TRAF7: variants seen among roughly 807,000 people sequenced by gnomAD.
TRAF7 encodes the protein TNF receptor associated factor 7, also known as E3 ubiquitin-protein ligase TRAF7.
A neutral mutation model predicts 89.3 loss-of-function variants in TRAF7; 45 were observed. The observed-to-expected ratio is 0.50, with a 90% CI of 0.40 to 0.65. TRAF7 has a LOEUF of 0.65. TRAF7 is among the 30% of genes least tolerant of loss of function. TRAF7 has a pLI of 0.00. For missense variants in TRAF7, 677 were observed against 918.1 expected, an observed-to-expected ratio of 0.74 and a Z score of 3.39; for synonymous variants, 406 against 369.2, an observed-to-expected ratio of 1.10 and a Z score of -1.14.
rs747956161 is a variant in TRAF7, at chr16:2,173,940, C to A, written c.1155C>A (p.Ile385=). 1 of 1,603,386 alleles carries A rather than the reference C, an allele frequency of 6.2e-7. No individual in the cohort carries two copies. Among genetic ancestry groups the A allele is most frequent in the Non-Finnish European group, 8.5e-7 (1 of 1,177,454 alleles). The change falls in exon 13 of 21, where the codon ATC becomes ATA. Residue 385 remains isoleucine (I), a synonymous_variant. Coordinates refer to ENST00000326181, the MANE Select transcript of TRAF7 (RefSeq NM_032271.3). ...GILGSYDPQQ[I]FKCKGTFVGH... ...CTGCAGCCTACGACCCTCAGCAGAT[C>A]TTCAAGTGCAAAGGGACCTTTGTGG...
chr16:2,164,173 C>CGCGCGCACGCGT (rs1567247403), intron 2 of TRAF7, among the ~76,000 whole-genome samples, 172 bp downstream of exon 2: 2 of 121,500 alleles, frequency 1.6e-5, no homozygotes, highest in Middle Eastern at 4.1e-3. Context: ...CGCGCGCGCG[C>CGCGCGCACGCGT]GCGCGCGCAC....
chr16:2,173,747 GC>G, intron 11 of TRAF7, 40 bp from the exon 12 acceptor site: 2 of 1,606,202 alleles, frequency 1.2e-6, no homozygotes, highest in Non-Finnish European at 1.7e-6. Flanking sequence ...CCCCACAGCA[GC>G]CCTGCCCACC....
Position 2,168,228 on chromosome 16 carries a change from G to C in TRAF7, c.231+60G>C. On this transcript the variant is annotated intron_variant, in intron 4 of 20. Transcript: ENST00000326181. This position sits in a 1 kb window ranked among gnomAD's most constrained non-coding sequence, Gnocchi z 4.1. ...CAGCCTCCCCCCATCCTCCCTCCTG[G>C]GGGAACCAGGTCCCAGGAGGAGTTG... 1 of 1,448,128 alleles carries C rather than the reference G, an allele frequency of 6.9e-7. No homozygotes were observed. Among genetic ancestry groups the C allele is most frequent in the Non-Finnish European group, 9.4e-7 (1 of 1,059,470 alleles). The allele number at this position is 1,448,128 out of a possible 1,614,324, so 89.7% of individuals were successfully genotyped here. A position where few individuals can be genotyped will look rare whatever the true frequency, so the allele number is the denominator to read the frequency against.
Position 2,162,836 on chromosome 16 carries a change from C to T in TRAF7, c.-38-1047C>T, listed in dbSNP as rs745351015. 1.1e-4 allele frequency among the ~76,000 whole-genome samples: 16 copies of T among 152,068 alleles called. No homozygotes were observed. Among genetic ancestry groups the T allele is most frequent in the South Asian group, 2.1e-4 (1 of 4,828 alleles). ...TCAGCTTCAAGCCGGGGCTCGGCTG[C>T]GCTATCCGCTGCCAGCAGGAGACAG... On this transcript the variant is annotated intron_variant, in intron 1 of 20. Transcript: ENST00000326181. This position sits in a 1 kb window ranked among gnomAD's most constrained non-coding sequence, Gnocchi z 5.0.
chr16:2,173,436 A>G (rs1205705664), intron 10 of TRAF7, 37 bp downstream of exon 10: 2 of 1,611,902 alleles, frequency 1.2e-6, no homozygotes, highest in Non-Finnish European at 1.7e-6. Flanking sequence ...GGGCCTGGCC[A>G]CTGCTCCGGG....
intron 20 of TRAF7, 22 bp from the exon 21 acceptor site, chr16:2,176,538 T>C (rs1015064647): frequency 1.2e-6 from 2 of 1,613,120 alleles, no homozygotes; most frequent in Non-Finnish European, 1.7e-6. Flanking sequence ...GACATCCTGG[T>C]GAAGCAGCCC....
rs992237644 is a variant in TRAF7 at position 2,161,506 on chromosome 16, G to A, written c.-38-2377G>A. ...CCAGGGGAGTGCCTGCTGGGGTCCTGGCCACCTGGGCCCCCGGGCAGGCAT... is the reference window on the plus strand; with the variant it reads ...CCAGGGGAGTGCCTGCTGGGGTCCTAGCCACCTGGGCCCCCGGGCAGGCAT... On this transcript the variant is annotated intron_variant, in intron 1 of 20. Coordinates refer to ENST00000326181, the MANE Select transcript of TRAF7 (RefSeq NM_032271.3). The surrounding 1 kb of genome is among the most constrained non-coding windows in gnomAD (Gnocchi z 5.2). Among the ~76,000 whole-genome samples the A allele has an allele frequency of 2.6e-5, 4 of 152,136 alleles. No homozygotes were observed. The highest frequency in any genetic ancestry group is 4.8e-5 in the African/African-American group (2 of 41,436).
chr16:2,164,170 G>GCGCGCGCGCGCA (rs1379049638), intron 2 of TRAF7, among the ~76,000 whole-genome samples, 169 bp downstream of exon 2: 2 of 120,032 alleles, frequency 1.7e-5, no homozygotes, highest in Admixed American at 7.8e-5. Flanking sequence ...GCGCGCGCGC[G>GCGCGCGCGCGCA]CGCGCGCGCG....
At chr16:2,157,308 C>T (rs2093039286) in intron 1 of TRAF7, among the ~76,000 whole-genome samples, 1 of 152,114 alleles carries the variant, frequency 6.6e-6, no homozygotes, top group African/African-American at 2.4e-5. Flanking sequence ...GGCAGCCTGG[C>T]CTAAGGAGGG....
At chr16:2,171,161 T>C in intron 5 of TRAF7, 103 bp from the exon 6 acceptor site, 1 of 944,464 alleles carries the variant, frequency 1.1e-6, no homozygotes, top group Non-Finnish European at 1.6e-6. Flanking sequence ...GACCCTGTCC[T>C]CAGAGGACAG....
chr16:2,161,916 C>T lies in TRAF7; in HGVS notation c.-38-1967C>T, dbSNP rs983780208. On this transcript the variant is annotated intron_variant, in intron 1 of 20. Coordinates refer to ENST00000326181, the MANE Select transcript of TRAF7 (RefSeq NM_032271.3). The surrounding 1 kb of genome is among the most constrained non-coding windows in gnomAD (Gnocchi z 5.2). The stretch of plus-strand genomic sequence containing the variant: ...CTGTCCCAGGGCTGACTCCTCTGAG[C>T]CTGGCTGCAGGTGTGTGGCACTGCC... 2.0e-5 allele frequency among the ~76,000 whole-genome samples: 3 copies of T among 152,202 alleles called. No homozygotes were observed. The highest frequency in any genetic ancestry group is 7.2e-5 in the African/African-American group (3 of 41,456).
In TRAF7 at chr16:2,168,887, G is replaced by A. The variant is rs1362946995; in HGVS notation, c.231+719G>A. 2.6e-5 allele frequency among the ~76,000 whole-genome samples: 4 copies of A among 152,288 alleles called. No individual in the cohort carries two copies. The South Asian group carries it at 8.3e-4, about 32-fold the overall frequency. On this transcript the variant is annotated intron_variant, in intron 4 of 20. Coordinates refer to ENST00000326181, the MANE Select transcript of TRAF7 (RefSeq NM_032271.3). This position sits in a 1 kb window ranked among gnomAD's most constrained non-coding sequence, Gnocchi z 4.1. The stretch of plus-strand genomic sequence containing the variant: ...AAGGACTGGCCCAGCAGGGGGTGGG[G>A]GTGTGTGGGGCCTCTCTGGCAGCTG...
At chr16:2,165,430 T>A (rs1447721269) in intron 2 of TRAF7, among the ~76,000 whole-genome samples, 1 of 124,196 alleles carries the variant, frequency 8.1e-6, no homozygotes, top group East Asian at 2.5e-4. Flanking sequence ...GTCGCATGGT[T>A]AAGCGTGTTA....
At chr16:2,166,061 A>G (rs2093085519) in intron 3 of TRAF7, 125 bp downstream of exon 3, 8 of 1,196,608 alleles carry the variant, frequency 6.7e-6, no homozygotes, top group African/African-American at 1.5e-5. Flanking sequence ...GGGCGCGGGC[A>G]GCCTCACACC....
At chr16:2,165,195 G>A (rs1350435227) in intron 2 of TRAF7, among the ~76,000 whole-genome samples, 13 of 143,670 alleles carry the variant, frequency 9.0e-5, no homozygotes, top group Non-Finnish European at 1.8e-4. Flanking sequence ...AAGCGTGTGA[G>A]TGCTGCATGG....
intron 2 of TRAF7, among the ~76,000 whole-genome samples, 176 bp downstream of exon 2, chr16:2,164,177 C>CGCACGCGT (rs1567247429): frequency 1.7e-5 from 2 of 117,724 alleles, no homozygotes; most frequent in East Asian, 2.3e-4. Flanking sequence ...CGCGCGCGCG[C>CGCACGCGT]GCGCACGCGT....
Position 2,178,004 on chromosome 16 carries a change from T to G in TRAF7, c.*1430T>G. The G allele has an allele frequency of 2.5e-6, 1 of 400,404 alleles. No homozygotes were observed. The highest frequency in any genetic ancestry group is 3.6e-5 in the Admixed American group (1 of 27,934). 24.8% of individuals were successfully genotyped at this position (400,404 alleles called of 1,614,324 possible). A position where few individuals can be genotyped will look rare whatever the true frequency, so the allele number is the denominator to read the frequency against. On this transcript the variant is annotated 3_prime_UTR_variant, in exon 21 of 21. Transcript: ENST00000326181. ...ACTTCGTGTCCTTTCAGTTGGTAAA[T>G]GGTTTTCTATAGAATCAATAATATT...
intron 5 of TRAF7, 100 bp downstream of exon 5, chr16:2,170,830 G>A: frequency 1.7e-6 from 2 of 1,183,434 alleles, no homozygotes; most frequent in Non-Finnish European, 2.4e-6. Flanking sequence ...CAGCTCACAG[G>A]GAGAGGGCGG....
At chr16:2,165,801 G>T (rs1297699655) in intron 2 of TRAF7, 78 bp from the exon 3 acceptor site, 1 of 1,547,132 alleles carries the variant, frequency 6.5e-7, no homozygotes, top group Non-Finnish European at 8.9e-7. Flanking sequence ...CGCGTGTTAG[G>T]CATGTGAGTG....
Sources: allele counts gnomAD v4.1 joint callset (sites outside exome capture counted in the v4.1 genomes callset), GRCh38; gene constraint gnomAD v4.1.1; non-coding constraint Gnocchi (gnomAD v3.1); transcripts MANE v1.5; gene names NCBI Gene and HGNC (gene_info 2026-07-23, HGNC 2026-07-21).